Variants in SUSD4 observed in about 807,000 individuals in gnomAD.
SUSD4 encodes the protein sushi domain-containing protein 4.
SUSD4 carries 41 observed loss-of-function variants against 50.5 expected under a neutral mutation model. The observed-to-expected ratio is 0.81, with a 90% CI of 0.63 to 1.05. The LOEUF is 1.05. SUSD4 is among the 50% of genes least tolerant of loss of function. The pLI is 0.00. For missense variants in SUSD4, 580 were observed against 634.7 expected (o/e 0.91, Z 0.93); for synonymous variants, 257 against 257.3 (o/e 1.00, Z 0.01).
At chr1:223,263,979 G>A (rs1390946058) in intron 5 of SUSD4, 1 of 985,298 alleles carries the variant, frequency 1.0e-6, no homozygotes, top group Non-Finnish European at 1.2e-6. Flanking sequence ...TTCAAGATCT[G>A]AGTTAAAGCA....
At position 223,249,747 on chromosome 1, in the gene SUSD4, A is replaced by C. The variant is rs1214355346; in HGVS notation, c.724+14883T>G. 3.3e-5 allele frequency among the ~76,000 whole-genome samples: 5 copies of C among 152,382 alleles called. No homozygotes were observed. In the East Asian group the frequency reaches 9.6e-4, roughly 29 times the overall value. On this transcript the variant is annotated intron_variant, in intron 5 of 8. Transcript: ENST00000366878. ...AAAGTTTACATGATAGAATTTTATCAGTATTTCTTAGTGTTCTGCAAAAAA... is the reference window on the plus strand; with the variant it reads ...AAAGTTTACATGATAGAATTTTATCCGTATTTCTTAGTGTTCTGCAAAAAA...
At chr1:223,364,185 C>A (rs911722907), upstream of SUSD4, 1 of 151,664 alleles carries the variant, frequency 6.6e-6, no homozygotes, top group Non-Finnish European at 1.5e-5. The surrounding 1 kb of genome is among the most constrained non-coding windows in gnomAD (Gnocchi z 4.5). Flanking sequence ...TCGGCGGCGG[C>A]GCTCGGCTCC....
Position 223,283,550 on chromosome 1 carries a change from G to A in SUSD4, c.361+8889C>T, listed in dbSNP as rs1327151491. On this transcript the variant is annotated intron_variant, in intron 3 of 8. Coordinates refer to ENST00000366878, the MANE Select transcript of SUSD4 (RefSeq NM_017982.4). ...AATGAGATACCATCTCACACCAGTT[G>A]GAATGGTGATCATTAAAAAGTCAGG... Among the ~76,000 whole-genome samples, 12 of 152,020 alleles carry A rather than the reference G, an allele frequency of 7.9e-5. No individual in the cohort carries two copies. The East Asian group carries it at 2.1e-3, about 27-fold the overall frequency.
intron 7 of SUSD4, among the ~76,000 whole-genome samples, chr1:223,225,277 C>G (rs985327865): frequency 2.0e-5 from 3 of 152,166 alleles, no homozygotes; most frequent in African/African-American, 7.2e-5. Flanking sequence ...CCCTGAATCT[C>G]TGAGTGCTGG....
chr1:223,250,703 A>T (rs1234667178), intron 5 of SUSD4, among the ~76,000 whole-genome samples: 1 of 152,172 alleles, frequency 6.6e-6, no homozygotes, highest in African/African-American at 2.4e-5. Context: ...AGTTCGGAAA[A>T]GCCTTGAGGC....
intron 2 of SUSD4, among the ~76,000 whole-genome samples, chr1:223,334,644 A>G (rs1219026900): frequency 2.0e-5 from 3 of 152,188 alleles, no homozygotes; most frequent in Admixed American, 2.0e-4. Flanking sequence ...CAAAACTAGA[A>G]GCTGGAAGAC....
chr1:223,316,926 C>T (rs908482378), intron 2 of SUSD4, among the ~76,000 whole-genome samples: 7 of 151,950 alleles, frequency 4.6e-5, no homozygotes, highest in African/African-American at 1.7e-4. Flanking sequence ...AGGAGGGGGG[C>T]CTTGGAGATG....
intron 5 of SUSD4, among the ~76,000 whole-genome samples, chr1:223,258,745 C>A (rs939318628): frequency 2.0e-5 from 3 of 152,080 alleles, no homozygotes; most frequent in African/African-American, 7.3e-5. Context: ...GTGATGTATT[C>A]CCCTGTTTCG....
rs183237721 is a variant in SUSD4 at position 223,231,205 on chromosome 1, G to T, written c.725-1817C>A. On this transcript the variant is annotated intron_variant, in intron 5 of 8. Transcript: ENST00000366878. The surrounding 1 kb of genome is among the most constrained non-coding windows in gnomAD (Gnocchi z 4.2). Reference sequence around the variant, plus strand: ...GGAACAGTGAGGGAGAAGTAGCCTGGTTCTCCACCTGCCCACCCTCCAGGC... The same window carrying T: ...GGAACAGTGAGGGAGAAGTAGCCTGTTTCTCCACCTGCCCACCCTCCAGGC... Among the ~76,000 whole-genome samples, 2 of 152,240 alleles carry T rather than the reference G, an allele frequency of 1.3e-5. No individual in the cohort carries two copies. The highest frequency in any genetic ancestry group is 3.9e-4 in the East Asian group (2 of 5,180).
At chr1:223,310,755 C>A (rs1665826024) in intron 2 of SUSD4, among the ~76,000 whole-genome samples, 1 of 152,202 alleles carries the variant, frequency 6.6e-6, no homozygotes, top group Admixed American at 6.5e-5. Context: ...AAAAAATGAA[C>A]TCTAATGGCA....
chr1:223,345,710 C>T (rs1667994932), intron 2 of SUSD4, among the ~76,000 whole-genome samples: 1 of 152,202 alleles, frequency 6.6e-6, no homozygotes, highest in East Asian at 1.9e-4. Context: ...ATTTAAGTAT[C>T]TTAAGACCAA....
At chr1:223,301,118 T>C (rs972404658) in intron 2 of SUSD4, among the ~76,000 whole-genome samples, 2 of 152,246 alleles carry the variant, frequency 1.3e-5, no homozygotes, top group African/African-American at 4.8e-5. Context: ...GACTCAGATC[T>C]TCATGATATT....
At chr1:223,330,555 T>C (rs1221957354) in intron 2 of SUSD4, among the ~76,000 whole-genome samples, 1 of 152,224 alleles carries the variant, frequency 6.6e-6, no homozygotes, top group East Asian at 1.9e-4. Context: ...GGTTAGTCGA[T>C]GGCAAAAGGA....
At chr1:223,330,904 G>A (rs906408468) in intron 2 of SUSD4, among the ~76,000 whole-genome samples, 1 of 152,158 alleles carries the variant, frequency 6.6e-6, no homozygotes, top group Admixed American at 6.6e-5. Context: ...ACTAGAAGAT[G>A]GAAGGATGGC....
intron 5 of SUSD4, among the ~76,000 whole-genome samples, chr1:223,243,832 T>A (rs562567181): frequency 1.3e-5 from 2 of 152,246 alleles, no homozygotes; most frequent in African/African-American, 4.8e-5. Context: ...TTATCAGCAC[T>A]ATGGCACCTC....
At position 223,265,803 on chromosome 1, in the gene SUSD4, T is replaced by TA. The variant is rs565441346; in HGVS notation, c.536-986dup. On this transcript the variant is annotated intron_variant, in intron 4 of 8. Coordinates refer to ENST00000366878, the MANE Select transcript of SUSD4 (RefSeq NM_017982.4). Reference sequence around the variant, plus strand: ...GCTTCAGCAGTTTCACTGGAGAGAATAATGACACTGCAGAGCCGGTGTTCT... The same window carrying TA: ...GCTTCAGCAGTTTCACTGGAGAGAATAAATGACACTGCAGAGCCGGTGTTCT... Among the ~76,000 whole-genome samples the TA allele has an allele frequency of 1.4e-4, 22 of 152,338 alleles. No homozygotes were observed. In the South Asian group the frequency reaches 4.6e-3, roughly 32 times the overall value.
intron 2 of SUSD4, among the ~76,000 whole-genome samples, chr1:223,336,510 G>A (rs1026573977): frequency 6.6e-6 from 1 of 152,208 alleles, no homozygotes; most frequent in Non-Finnish European, 1.5e-5. Context: ...ACTCAGGACT[G>A]GAAGCACAGC....
At chr1:223,348,300 G>T (rs542957465) in intron 2 of SUSD4, among the ~76,000 whole-genome samples, 1 of 151,936 alleles carries the variant, frequency 6.6e-6, no homozygotes, top group South Asian at 2.1e-4. Context: ...TATTTTCAGC[G>T]GGAAAAAATA....
At chr1:223,338,365 G>C (rs1190933358) in intron 2 of SUSD4, among the ~76,000 whole-genome samples, 1 of 152,146 alleles carries the variant, frequency 6.6e-6, no homozygotes, top group Non-Finnish European at 1.5e-5. Flanking sequence ...CAGCCATTTA[G>C]TACAACTGAA....
Sources: gnomAD v4.1 joint callset for allele counts (sites outside exome capture counted in the v4.1 genomes callset) on GRCh38, gnomAD v4.1.1 for gene constraint, Gnocchi (gnomAD v3.1) non-coding constraint, MANE v1.5 for transcripts, NCBI Gene and HGNC (gene_info 2026-07-23, HGNC 2026-07-21) for gene names.